The following PLPPR4 variants were observed in gnomAD, a reference collection of about 807,000 sequenced individuals.
PLPPR4 encodes the protein phospholipid phosphatase-related protein type 4.
A neutral mutation model predicts 56.6 loss-of-function variants in PLPPR4; 24 were observed. The ratio of observed to expected loss-of-function variants is 0.42; its 90% CI spans 0.31 to 0.60. PLPPR4 has a LOEUF of 0.60. PLPPR4 is among the 20% of genes least tolerant of loss of function. The pLI is 0.13. For synonymous variants in PLPPR4, 326 were observed against 328.1 expected (o/e 0.99, Z 0.07); for missense variants, 654 against 885.8 (o/e 0.74, Z 3.32).
upstream of PLPPR4, chr1:99,264,401 A>G: frequency 7.1e-7 from 1 of 1,416,902 alleles, no homozygotes; most frequent in South Asian, 1.5e-5. Flanking sequence ...CCGCTCAGGG[A>G]ATAGCTGGGT....
chr1:99,287,819 A>G (rs1380216442), intron 1 of PLPPR4, 146 bp from the exon 2 acceptor site: 3 of 625,944 alleles, frequency 4.8e-6, no homozygotes, highest in Non-Finnish European at 8.2e-6. Context: ...ATCCATGTTG[A>G]AGGTAGAAGT....
At chr1:99,296,991 T>C in intron 3 of PLPPR4, 124 bp downstream of exon 3, 7 of 1,013,850 alleles carry the variant, frequency 6.9e-6, no homozygotes, top group Non-Finnish European at 9.1e-6. Context: ...ACATGATGAG[T>C]TTTATATTGT....
At chr1:99,291,042 C>T (rs1162292422) in intron 2 of PLPPR4, among the ~76,000 whole-genome samples, 1 of 150,754 alleles carries the variant, frequency 6.6e-6, no homozygotes, top group Non-Finnish European at 1.5e-5. Context: ...GCAAATTATG[C>T]ATCTAAAAAA....
intron 4 of PLPPR4, 25 bp downstream of exon 4, chr1:99,299,255 C>G (rs1258503916): frequency 6.5e-7 from 1 of 1,548,008 alleles, no homozygotes; most frequent in East Asian, 2.3e-5. Context: ...TAAAAACACT[C>G]TGCATCATTG....
chr1:99,264,322 G>C (rs1262506294), upstream of PLPPR4: 3 of 750,146 alleles, frequency 4.0e-6, no homozygotes, highest in Non-Finnish European at 2.1e-6. Flanking sequence ...TTGGAGGAGG[G>C]AGCTGGACGT....
Position 99,301,722 on chromosome 1 carries a change from A to C in PLPPR4, c.649-2A>C. Reference sequence around the variant, plus strand: ...ACTTAACCCATTTCTTCCATTTTTAAGATGTACTTCAATTCCACATTAACG... The same window carrying C: ...ACTTAACCCATTTCTTCCATTTTTACGATGTACTTCAATTCCACATTAACG... On this transcript the variant is annotated splice_acceptor_variant, in intron 5 of 6. Coordinates refer to ENST00000370185, the MANE Select transcript of PLPPR4 (RefSeq NM_014839.5). LOFTEE classifies it high-confidence loss of function. The C allele has an allele frequency of 6.3e-7, 1 of 1,596,760 alleles. No homozygotes were observed.
chr1:99,263,142 G>A (rs12736610), upstream of PLPPR4, among the ~76,000 whole-genome samples: 3,966 of 152,242 alleles, frequency 0.026, 83 homozygotes, highest in South Asian at 0.086. Context: ...AATCGTGGGG[G>A]CAACTCCAGG....
At position 99,309,408 on chromosome 1, in the gene PLPPR4, G is replaced by C. The variant is rs1304778878; in HGVS notation, c.*2398G>C. On this transcript the variant is annotated 3_prime_UTR_variant, in exon 7 of 7. Coordinates refer to ENST00000370185, the MANE Select transcript of PLPPR4 (RefSeq NM_014839.5). Reference sequence around the variant, plus strand: ...ATCTTTTTAAAGTAAATAAAATTATGAAAATATATATAGTATATATAAAGT... The same window carrying C: ...ATCTTTTTAAAGTAAATAAAATTATCAAAATATATATAGTATATATAAAGT... 1 of 152,172 alleles carries C rather than the reference G, an allele frequency of 6.6e-6. No individual in the cohort carries two copies. The highest frequency in any genetic ancestry group is 1.5e-5 in the Non-Finnish European group (1 of 67,898). The allele number at this position is 152,172 out of a possible 1,614,324, so 9.4% of individuals were successfully genotyped here. A position where few individuals can be genotyped will look rare whatever the true frequency, so the allele number is the denominator to read the frequency against.
At chr1:99,294,991 T>C (rs564742911) in intron 2 of PLPPR4, among the ~76,000 whole-genome samples, 1 of 152,346 alleles carries the variant, frequency 6.6e-6, no homozygotes, top group South Asian at 2.1e-4. Flanking sequence ...AGCAGTTATA[T>C]TATTCTGTGT....
intron 1 of PLPPR4, among the ~76,000 whole-genome samples, chr1:99,265,144 G>GC (rs36036890): frequency 0.053 from 7,376 of 140,232 alleles, 260 homozygotes; most frequent in Middle Eastern, 0.08. Context: ...TATTGCTCCT[G>GC]CCCCCCCCCC....
chr1:99,273,625 A>T (rs918393527), intron 1 of PLPPR4, among the ~76,000 whole-genome samples: 3 of 152,092 alleles, frequency 2.0e-5, no homozygotes, highest in Non-Finnish European at 4.4e-5. Context: ...TCCAGGGTAT[A>T]ACCTGTTTTG....
At chr1:99,286,197 A>G (rs1659460107) in intron 1 of PLPPR4, among the ~76,000 whole-genome samples, 1 of 152,212 alleles carries the variant, frequency 6.6e-6, no homozygotes, top group Admixed American at 6.6e-5. Flanking sequence ...GGGTATACTT[A>G]CACTAAAAAT....
chr1:99,306,240 G>T lies in PLPPR4; in HGVS notation c.1378G>T (p.Ala460Ser), dbSNP rs759491610. 5.0e-5 allele frequency: 80 copies of T among 1,614,004 alleles called. No homozygotes were observed. The highest frequency in any genetic ancestry group is 6.6e-5 in the Non-Finnish European group (78 of 1,180,028). ...TCAGTACCTCAAAATCCAGCCTGGC[G>T]CTGTCCCCGGATGTAACAACAGCAT... ...GNQYLKIQPGAVPGCNNSMPG... is the reference protein window; with the variant it reads ...GNQYLKIQPGSVPGCNNSMPG... Residue 460 changes from alanine to serine, a missense_variant, in exon 7 of 7, where the codon GCT becomes TCT. Ala to Ser is a moderately conservative substitution (Grantham distance 99). Transcript: ENST00000370185. This position sits in a 1 kb window ranked among gnomAD's most constrained non-coding sequence, Gnocchi z 4.0.
At position 99,290,018 on chromosome 1, in the gene PLPPR4, G is replaced by A. The variant is rs143427225; in HGVS notation, c.264+1868G>A. Among the ~76,000 whole-genome samples the A allele has an allele frequency of 7.6e-4, 115 of 152,234 alleles. 1 individual carries two copies. Among genetic ancestry groups the A allele is most frequent in the African/African-American group, 2.4e-3 (98 of 41,562 alleles). On this transcript the variant is annotated intron_variant, in intron 2 of 6. Coordinates refer to ENST00000370185, the MANE Select transcript of PLPPR4 (RefSeq NM_014839.5). ...GACTATTGCTGACTAGTCACCAGAT[G>A]GCATGATCCAATGTCTAGAAAACCC...
intron 6 of PLPPR4, among the ~76,000 whole-genome samples, chr1:99,303,020 C>T (rs369957639): frequency 1.9e-4 from 29 of 152,042 alleles, no homozygotes; most frequent in African/African-American, 6.7e-4. Context: ...ACATGTTAAA[C>T]GATATAACAG....
In PLPPR4 at chr1:99,305,815, G is replaced by A; in HGVS notation, c.953G>A (p.Ser318Asn). The change falls in exon 7 of 7, where the codon AGT (serine) becomes AAT (asparagine). Residue 318 changes from serine to asparagine, a missense_variant. By Grantham distance (46) the Ser-to-Asn change is conservative. Coordinates refer to ENST00000370185, the MANE Select transcript of PLPPR4 (RefSeq NM_014839.5). ...TTATCTGCTAAAAATGGTAGCAGCA[G>A]TGATGGAATTGCTCATACAGAAGGC... ...RLLSAKNGSS[S>N]DGIAHTEGIL... The A allele has an allele frequency of 6.2e-7, 1 of 1,614,094 alleles. No homozygotes were observed.
At position 99,300,898 on chromosome 1, in the gene PLPPR4, T is replaced by C. The variant is rs1315845085; in HGVS notation, c.591-11T>C. The C allele has an allele frequency of 8.7e-6, 14 of 1,609,418 alleles. No individual in the cohort carries two copies. The highest frequency in any genetic ancestry group is 1.1e-5 in the Non-Finnish European group (13 of 1,176,164). On this transcript the variant is annotated splice_polypyrimidine_tract_variant and intron_variant, in intron 4 of 6. Coordinates refer to ENST00000370185, the MANE Select transcript of PLPPR4 (RefSeq NM_014839.5). The stretch of plus-strand genomic sequence containing the variant: ...ACTACAAGGCATAATTTGACTATCT[T>C]CTTTTGGCAGAAAGTCCTTCCCTTC...
At chr1:99,268,399 G>A (rs1658961800) in intron 1 of PLPPR4, among the ~76,000 whole-genome samples, 1 of 152,232 alleles carries the variant, frequency 6.6e-6, no homozygotes, top group African/African-American at 2.4e-5. Flanking sequence ...CCCATTTGCA[G>A]AGTGTCAAGG....
intron 2 of PLPPR4, among the ~76,000 whole-genome samples, chr1:99,288,476 A>C (rs1469074935): frequency 2.0e-5 from 3 of 150,422 alleles, no homozygotes; most frequent in African/African-American, 7.2e-5. Flanking sequence ...CTTACTTTAC[A>C]TGTGTTTATT....
Sources: gnomAD v4.1 joint callset for allele counts (sites outside exome capture counted in the v4.1 genomes callset) on GRCh38, gnomAD v4.1.1 for gene constraint, Gnocchi (gnomAD v3.1) non-coding constraint, MANE v1.5 for transcripts, NCBI Gene and HGNC (gene_info 2026-07-23, HGNC 2026-07-21) for gene names.